KCNC2: variants seen among roughly 807,000 people sequenced by gnomAD.
KCNC2 encodes potassium voltage-gated channel subfamily C member 2.
KCNC2 carries 21 observed loss-of-function variants against 44.5 expected under a neutral mutation model. That is an observed-to-expected ratio of 0.47 (90% CI 0.33 to 0.68). The LOEUF (loss-of-function observed/expected upper bound fraction) is 0.68, where lower values mean the gene tolerates loss of function less well. KCNC2 is among the 30% of genes least tolerant of loss of function. KCNC2 has a pLI of 0.01. For synonymous variants in KCNC2, 391 were observed against 339.1 expected, an observed-to-expected ratio of 1.15 and a Z score of -1.68; for missense variants, 589 against 826.2, an observed-to-expected ratio of 0.71 and a Z score of 3.52.
At chr12:75,052,958 G>C (rs1272127023) in intron 2 of KCNC2, among the ~76,000 whole-genome samples, 2 of 152,004 alleles carry the variant, frequency 1.3e-5, no homozygotes, top group African/African-American at 4.8e-5. Flanking sequence ...TGGCAATGTG[G>C]TCTGATCATT....
intron 2 of KCNC2, among the ~76,000 whole-genome samples, chr12:75,189,628 C>A (rs149407894): frequency 8.5e-5 from 13 of 152,284 alleles, no homozygotes; most frequent in Middle Eastern, 3.4e-3. Flanking sequence ...GTGCTAGGCA[C>A]CAGAATTCAT....
chr12:75,062,630 G>C (rs1882455724), intron 2 of KCNC2, among the ~76,000 whole-genome samples: 1 of 152,034 alleles, frequency 6.6e-6, no homozygotes, highest in African/African-American at 2.4e-5. Flanking sequence ...TATGAACTGA[G>C]TGCTTCCTTT....
intron 2 of KCNC2, among the ~76,000 whole-genome samples, chr12:75,063,803 T>C (rs1882569339): frequency 6.6e-6 from 1 of 152,122 alleles, no homozygotes; most frequent in Non-Finnish European, 1.5e-5. Context: ...AATCCTTTTA[T>C]AATTTCTGAT....
intron 2 of KCNC2, among the ~76,000 whole-genome samples, chr12:75,149,036 C>T (rs1313866206): frequency 6.7e-6 from 1 of 149,680 alleles, no homozygotes; most frequent in African/African-American, 2.5e-5. Context: ...AAATTGAAAA[C>T]TGATATCATC....
intron 2 of KCNC2, among the ~76,000 whole-genome samples, chr12:75,199,904 G>A (rs1289410927): frequency 6.6e-6 from 1 of 151,816 alleles, no homozygotes; most frequent in Non-Finnish European, 1.5e-5. Context: ...CAGCTTGGGA[G>A]GTAAGCTCCT....
rs1879813268 is a variant in KCNC2, at chr12:75,040,780, T to C, written c.*2325A>G. On this transcript the variant is annotated 3_prime_UTR_variant, in exon 5 of 5. Transcript: ENST00000549446. The stretch of plus-strand genomic sequence containing the variant: ...AAGGGAAATTAAGACAAAACTATAC[T>C]ACATCAGTATCACTGCCTTAAGTAA... 1 of 246,034 alleles carries C rather than the reference T, an allele frequency of 4.1e-6. No individual in the cohort carries two copies. Among genetic ancestry groups the C allele is most frequent in the African/African-American group, 2.2e-5 (1 of 45,930 alleles). The allele number at this position is 246,034 out of a possible 1,614,324, so 15.2% of individuals were successfully genotyped here.
rs764395404 is a variant in KCNC2 at position 75,073,353 on chromosome 12, G to A, written c.688-22036C>T. Among the ~76,000 whole-genome samples, 19 of 152,230 alleles carry A rather than the reference G, an allele frequency of 1.2e-4. 1 individual carries two copies. The highest frequency in any genetic ancestry group is 6.8e-3 in the Middle Eastern group (2 of 294). On this transcript the variant is annotated intron_variant, in intron 2 of 4. Coordinates refer to ENST00000549446, the MANE Select transcript of KCNC2 (RefSeq NM_139137.4). Reference sequence around the variant, plus strand: ...TGTTAAGTGGGAAATACAGCAAAAAGCCTTTCAAAGTAAAAGCAACTTTCA... The same window carrying A: ...TGTTAAGTGGGAAATACAGCAAAAAACCTTTCAAAGTAAAAGCAACTTTCA...
At chr12:75,198,885 A>G (rs2031002696) in intron 2 of KCNC2, among the ~76,000 whole-genome samples, 1 of 151,806 alleles carries the variant, frequency 6.6e-6, no homozygotes, top group East Asian at 1.9e-4. Context: ...TGGTCCAAAT[A>G]GTTTTTGCTT....
intron 2 of KCNC2, among the ~76,000 whole-genome samples, chr12:75,083,806 A>G (rs1341494359): frequency 6.6e-6 from 1 of 152,036 alleles, no homozygotes; most frequent in Non-Finnish European, 1.5e-5. Context: ...TATAATAAAT[A>G]CATGATTTCT....
At chr12:75,056,623 A>C (rs1881773193) in intron 2 of KCNC2, among the ~76,000 whole-genome samples, 1 of 152,016 alleles carries the variant, frequency 6.6e-6, no homozygotes, top group African/African-American at 2.4e-5. Flanking sequence ...AAGTTCATGT[A>C]ATCCTGTGAT....
intron 2 of KCNC2, among the ~76,000 whole-genome samples, chr12:75,056,931 A>G (rs1881807856): frequency 6.6e-6 from 1 of 152,034 alleles, no homozygotes; most frequent in Non-Finnish European, 1.5e-5. Context: ...AAGCAAATGA[A>G]CAGAAACACT....
chr12:75,046,469 T>C (rs1565805108), intron 4 of KCNC2, among the ~76,000 whole-genome samples: 1 of 151,750 alleles, frequency 6.6e-6, no homozygotes. Flanking sequence ...AATCTTAGTA[T>C]AAATATTACA....
At chr12:75,189,990 T>C (rs2030039191) in intron 2 of KCNC2, among the ~76,000 whole-genome samples, 1 of 152,236 alleles carries the variant, frequency 6.6e-6, no homozygotes, top group Admixed American at 6.5e-5. Context: ...CTAAAGATTT[T>C]GAACATTAGC....
chr12:75,124,355 AG>A (rs1413362413), intron 2 of KCNC2, among the ~76,000 whole-genome samples: 1 of 152,200 alleles, frequency 6.6e-6, no homozygotes, highest in Non-Finnish European at 1.5e-5. Flanking sequence ...ACTTTCACTA[AG>A]GCCGATTGCA....
intron 2 of KCNC2, among the ~76,000 whole-genome samples, chr12:75,153,586 C>A (rs535130629): frequency 6.6e-6 from 1 of 151,450 alleles, no homozygotes; most frequent in Non-Finnish European, 1.5e-5. Flanking sequence ...TATCCATTAA[C>A]AAAACTGCAC....
At chr12:75,181,421 G>A (rs983399957) in intron 2 of KCNC2, among the ~76,000 whole-genome samples, 1 of 152,096 alleles carries the variant, frequency 6.6e-6, no homozygotes, top group Non-Finnish European at 1.5e-5. Flanking sequence ...CAATATTGCA[G>A]AGTAGCAAAA....
chr12:75,078,702 C>CTGAG (rs1038373773), intron 2 of KCNC2, among the ~76,000 whole-genome samples: 13 of 152,232 alleles, frequency 8.5e-5, no homozygotes, highest in African/African-American at 3.1e-4. Flanking sequence ...GGTGGTAGAA[C>CTGAG]TGAGATTCCA....
intron 2 of KCNC2, among the ~76,000 whole-genome samples, chr12:75,188,849 G>A (rs943997989): frequency 4.0e-5 from 6 of 149,562 alleles, no homozygotes; most frequent in East Asian, 1.9e-4. Flanking sequence ...GTGACAGAGT[G>A]AGACTCCATC....
At chr12:75,170,621 T>C (rs1289928466) in intron 2 of KCNC2, among the ~76,000 whole-genome samples, 2 of 151,786 alleles carry the variant, frequency 1.3e-5, no homozygotes, top group Admixed American at 6.6e-5. Context: ...TGTCATTACT[T>C]AACTGTATGT....
Sources: allele counts gnomAD v4.1 joint callset (sites outside exome capture counted in the v4.1 genomes callset), GRCh38; gene constraint gnomAD v4.1.1; transcripts MANE v1.5; gene names NCBI Gene and HGNC (gene_info 2026-07-23, HGNC 2026-07-21).